Variants in SREBF1 observed in about 807,000 individuals in gnomAD.
SREBF1 encodes the protein sterol regulatory element-binding protein 1.
A neutral mutation model predicts 100.1 loss-of-function variants in SREBF1; 45 were observed. The observed-to-expected ratio is 0.45, with a 90% CI of 0.35 to 0.58. The LOEUF (loss-of-function observed/expected upper bound fraction) is 0.58. Among genes scored for constraint, SREBF1 ranks in the 20% least tolerant of loss-of-function variants. SREBF1 has a pLI of 0.00. For missense variants in SREBF1, 1,324 were observed against 1,539.4 expected, an observed-to-expected ratio of 0.86 and a Z score of 2.34; for synonymous variants, 657 against 681.8, an observed-to-expected ratio of 0.96 and a Z score of 0.57.
chr17:17,836,299 G>C (rs545199878), intron 1 of SREBF1, among the ~76,000 whole-genome samples: 8 of 152,264 alleles, frequency 5.3e-5, no homozygotes, highest in Admixed American at 5.2e-4. Flanking sequence ...ACGCCGAGCT[G>C]AACTCTCGGG....
Position 17,811,795 on chromosome 17 carries a change from CAG to C in SREBF1, c.*825_*826del. ...GTGCCACCCAGGGACCTGATGGGGA[CAG>C]AGCTGGGAGGTGAGAAGGGACAACT... On this transcript the variant is annotated 3_prime_UTR_variant, in exon 19 of 19. Transcript: ENST00000261646. 1 of 454,030 alleles carries C rather than the reference CAG, an allele frequency of 2.2e-6. No homozygotes were observed. The highest frequency in any genetic ancestry group is 4.4e-6 in the Non-Finnish European group (1 of 225,942). The allele number at this position is 454,030 out of a possible 1,614,324, so 28.1% of individuals were successfully genotyped here. A position where few individuals can be genotyped will look rare whatever the true frequency, so the allele number is the denominator to read the frequency against.
chr17:17,836,670 C>G (rs2035259784), intron 1 of SREBF1, 57 bp downstream of exon 1: 1 of 1,503,006 alleles, frequency 6.7e-7, no homozygotes, highest in Admixed American at 2.0e-5. Context: ...GAGACACCTG[C>G]GCGCCCCCTA....
At chr17:17,819,284 G>C (rs45569234) in intron 4 of SREBF1, 36 bp downstream of exon 4, 1 of 1,613,294 alleles carries the variant, frequency 6.2e-7, no homozygotes, top group Non-Finnish European at 8.5e-7. Context: ...TGTGTGTGTA[G>C]ACCCCACTCC....
rs923774896 is a variant in SREBF1, at chr17:17,813,228, C to CAAA, written c.3214+137_3214+139dup. On this transcript the variant is annotated intron_variant, in intron 18 of 18. Transcript: ENST00000261646. ...AAGCTGTCCTCCCAACTGAGCCTCC[C>CAAA]AAAGTGCTAGGTGTGAGCCACTGCG... 3 of 892,906 alleles carry CAAA rather than the reference C, an allele frequency of 3.4e-6. No homozygotes were observed. The Admixed American group carries it at 6.0e-5, about 18-fold the overall frequency. 55.3% of individuals were successfully genotyped at this position (892,906 alleles called of 1,614,324 possible).
chr17:17,816,733 T>A lies in SREBF1; in HGVS notation c.1786-15A>T, dbSNP rs1175076768. 6.4e-7 allele frequency: 1 copy of A among 1,573,224 alleles called. No individual in the cohort carries two copies. The highest frequency in any genetic ancestry group is 8.6e-7 in the Non-Finnish European group (1 of 1,160,470). ...GCAAAGTCTCCCTGTGGATGAGGGT[T>A]TTCCAGGTGAGAAAAGTGAGGTCAG... On this transcript the variant is annotated splice_polypyrimidine_tract_variant and intron_variant, in intron 9 of 18. Transcript: ENST00000261646.
intron 1 of SREBF1, among the ~76,000 whole-genome samples, chr17:17,826,780 C>T (rs139792387): frequency 5.3e-5 from 8 of 152,318 alleles, no homozygotes; most frequent in East Asian, 1.9e-4. Flanking sequence ...TGACTCTGGC[C>T]GATGTATTCT....
In SREBF1 at chr17:17,812,646, A is replaced by G; in HGVS notation, c.3420T>C (p.Gly1140=). The change falls in exon 19 of 19, where the codon GGT becomes GGC. Residue 1140 remains glycine (G), a synonymous_variant. Coordinates refer to ENST00000261646, the MANE Select transcript of SREBF1 (RefSeq NM_004176.5). ...TCTAGCTGGAAGTGACAGTGGTCCC[A>G]CCGCCCAGGCGCATGAGCATCTGCT... ...DCQQMLMRLG[G]GTTVTSS 6.2e-7 allele frequency: 1 copy of G among 1,607,280 alleles called. No homozygotes were observed. The highest frequency in any genetic ancestry group is 8.5e-7 in the Non-Finnish European group (1 of 1,177,164).
chr17:17,812,957 C>G (rs1336814992), intron 18 of SREBF1, 106 bp from the exon 19 acceptor site: 21 of 1,107,598 alleles, frequency 1.9e-5, no homozygotes, highest in Non-Finnish European at 2.5e-5. Flanking sequence ...ACCTGGCACA[C>G]AGGTACCTGG....
chr17:17,820,130 A>G lies in SREBF1; in HGVS notation c.483T>C (p.Pro161=), dbSNP rs779902496. 1 of 1,612,820 alleles carries G rather than the reference A, an allele frequency of 6.2e-7. No individual in the cohort carries two copies. Among genetic ancestry groups the G allele is most frequent in the East Asian group, 2.2e-5 (1 of 44,862 alleles). ...APAPPQFSST[P]VLGYPSPPGG... ...CCGGAGGGCTGGGGTAGCCTAACAC[A>G]GGGGTGGAGCTGAACTGCGGTGGGG... is the stretch of plus-strand genomic sequence containing the variant. The change falls in exon 2 of 19, where the codon CCT becomes CCC. Residue 161 remains proline (P), a synonymous_variant. Transcript: ENST00000261646.
chr17:17,826,495 C>T (rs1198038771), intron 1 of SREBF1, among the ~76,000 whole-genome samples: 1 of 152,100 alleles, frequency 6.6e-6, no homozygotes, highest in Non-Finnish European at 1.5e-5. Flanking sequence ...ACTGAGAAGG[C>T]CCTTGTGGTT....
chr17:17,833,371 A>C (rs1157565707), intron 1 of SREBF1, among the ~76,000 whole-genome samples: 1 of 142,282 alleles, frequency 7.0e-6, no homozygotes, highest in East Asian at 2.2e-4. Flanking sequence ...CAGTGAGCCA[A>C]GATCGCACCA....
Position 17,815,210 on chromosome 17 carries a change from A to G in SREBF1, c.2492+11T>C, listed in dbSNP as rs1308489208. 1 of 1,611,460 alleles carries G rather than the reference A, an allele frequency of 6.2e-7. No homozygotes were observed. The highest frequency in any genetic ancestry group is 1.3e-5 in the African/African-American group (1 of 74,886). On this transcript the variant is annotated intron_variant, in intron 13 of 18. Transcript: ENST00000261646. Reference sequence around the variant, plus strand: ...GGGGCCTTGCCTGGAGGAGGGCACAACGACACTTACTTGTCCCCATCAGCT... The same window carrying G: ...GGGGCCTTGCCTGGAGGAGGGCACAGCGACACTTACTTGTCCCCATCAGCT...
rs567774753 is a variant in SREBF1, at chr17:17,824,500, A to C, written c.92-3979T>G. Among the ~76,000 whole-genome samples, 77 of 152,316 alleles carry C rather than the reference A, an allele frequency of 5.1e-4. No individual in the cohort carries two copies. Among genetic ancestry groups the C allele is most frequent in the African/African-American group, 1.9e-3 (77 of 41,566 alleles). On this transcript the variant is annotated intron_variant, in intron 1 of 18. Coordinates refer to ENST00000261646, the MANE Select transcript of SREBF1 (RefSeq NM_004176.5). This position sits in a 1 kb window ranked among gnomAD's most constrained non-coding sequence, Gnocchi z 4.2. The stretch of plus-strand genomic sequence containing the variant: ...GGAAGGGCTGCAGTCCCTAGGACAG[A>C]AGATGGGTAAGGAAGGGGTGACAGG...
rs371853918 is a variant in SREBF1, at chr17:17,818,316, C to T, written c.1127G>A (p.Ser376Asn). The T allele has an allele frequency of 2.5e-6, 4 of 1,613,890 alleles. No individual in the cohort carries two copies. Among genetic ancestry groups the T allele is most frequent in the Non-Finnish European group, 2.5e-6 (3 of 1,180,012 alleles). Residue 376 changes from serine (S) to asparagine (N), a missense_variant, in exon 6 of 19, where the codon AGC becomes AAC. Physicochemically the swap from Ser to Asn is conservative, Grantham distance 46. Transcript: ENST00000261646. Reference sequence around the variant, plus strand: ...GTTCTCCTGCTTGAGTTTCTGGTTGCTGTGTTGCAGAAAGCGAATGTAGTC... The same window carrying T: ...GTTCTCCTGCTTGAGTTTCTGGTTGTTGTGTTGCAGAAAGCGAATGTAGTC... ...AIDYIRFLQHSNQKLKQENLS... is the reference protein window; with the variant it reads ...AIDYIRFLQHNNQKLKQENLS...
intron 1 of SREBF1, chr17:17,820,903 C>T (rs183156390): frequency 2.2e-5 from 7 of 323,098 alleles, no homozygotes; most frequent in African/African-American, 1.5e-4. Flanking sequence ...CTAGAAACAT[C>T]CTTAGTCCAC....
intron 1 of SREBF1, among the ~76,000 whole-genome samples, chr17:17,823,920 T>A (rs1235714947): frequency 6.6e-6 from 1 of 151,974 alleles, no homozygotes; most frequent in Non-Finnish European, 1.5e-5. Flanking sequence ...GGTGCCAGCG[T>A]CTGCCGGGGT....
At chr17:17,828,287 A>T (rs1230927095) in intron 1 of SREBF1, among the ~76,000 whole-genome samples, 1 of 151,918 alleles carries the variant, frequency 6.6e-6, no homozygotes, top group Non-Finnish European at 1.5e-5. Flanking sequence ...CTCCATCAAA[A>T]CTTGCTCTGA....
intron 1 of SREBF1, among the ~76,000 whole-genome samples, chr17:17,823,276 A>G (rs1266053115): frequency 6.6e-6 from 1 of 152,200 alleles, no homozygotes; most frequent in Non-Finnish European, 1.5e-5. Context: ...AAACCCTCTT[A>G]GGTCGGGATG....
At chr17:17,814,796 G>A (rs1197052238) in intron 14 of SREBF1, 39 bp downstream of exon 14, 1 of 1,609,114 alleles carries the variant, frequency 6.2e-7, no homozygotes, top group Non-Finnish European at 8.5e-7. Flanking sequence ...CTGCACGGGG[G>A]AGCTGAGAAG....
Sources: gnomAD v4.1 joint callset for allele counts (sites outside exome capture counted in the v4.1 genomes callset) on GRCh38, gnomAD v4.1.1 for gene constraint, Gnocchi (gnomAD v3.1) non-coding constraint, MANE v1.5 for transcripts, NCBI Gene and HGNC (gene_info 2026-07-23, HGNC 2026-07-21) for gene names.